Variants in ARL15 observed in about 807,000 individuals in gnomAD.
ARL15 encodes ADP-ribosylation factor-like protein 15.
ARL15 carries 19 observed loss-of-function variants against 25.2 expected under a neutral mutation model. The ratio of observed to expected loss-of-function variants is 0.75; its 90% CI spans 0.53 to 1.10. ARL15 has a LOEUF of 1.10. Ranked by LOEUF, ARL15 falls within the 50% of genes least tolerant of loss-of-function variation. The pLI is 0.00. For missense variants in ARL15, 220 were observed against 246.0 expected, an observed-to-expected ratio of 0.89 and a Z score of 0.71; for synonymous variants, 94 against 86.8, an observed-to-expected ratio of 1.08 and a Z score of -0.46.
At chr5:54,276,651 A>C (rs903756292) in intron 1 of ARL15, among the ~76,000 whole-genome samples, 6 of 152,092 alleles carry the variant, frequency 3.9e-5, no homozygotes, top group Non-Finnish European at 8.8e-5. Context: ...GTTATCTTAC[A>C]TGGCAAAAGG....
chr5:53,931,341 A>T (rs751804506), intron 4 of ARL15, among the ~76,000 whole-genome samples: 42 of 152,250 alleles, frequency 2.8e-4, no homozygotes, highest in Admixed American at 6.5e-4. Context: ...TACGTAGGAC[A>T]CAATCAGTTT....
intron 4 of ARL15, among the ~76,000 whole-genome samples, chr5:54,112,521 C>A (rs77503228): frequency 6.6e-6 from 1 of 152,244 alleles, no homozygotes; most frequent in Non-Finnish European, 1.5e-5. Flanking sequence ...ACTGTACTTA[C>A]GTTATAATTC....
intron 4 of ARL15, among the ~76,000 whole-genome samples, chr5:53,946,454 G>GGAAAAAAAAA (rs1746732847): frequency 2.0e-5 from 1 of 51,086 alleles, no homozygotes; most frequent in Non-Finnish European, 3.7e-5. Context: ...GGTCTCAAGA[G>GGAAAAAAAAA]GAAAAAAAAA....
intron 2 of ARL15, among the ~76,000 whole-genome samples, chr5:54,164,933 T>A (rs1403911115): frequency 1.3e-5 from 2 of 152,000 alleles, no homozygotes; most frequent in Non-Finnish European, 2.9e-5. Context: ...TCTATTCTTG[T>A]TCCCCTTTTC....
At chr5:54,232,146 C>T (rs1249073863) in intron 1 of ARL15, among the ~76,000 whole-genome samples, 2 of 152,132 alleles carry the variant, frequency 1.3e-5, no homozygotes, top group African/African-American at 4.8e-5. Flanking sequence ...AGTCTTAGTT[C>T]TTCCAAAAAG....
At chr5:54,025,540 G>A (rs944812951) in intron 4 of ARL15, among the ~76,000 whole-genome samples, 3 of 152,094 alleles carry the variant, frequency 2.0e-5, no homozygotes, top group Non-Finnish European at 2.9e-5. Flanking sequence ...GTGCTATAAC[G>A]AAAAGACATG....
In ARL15 at chr5:54,113,204, C is replaced by T. The variant is rs775876885; in HGVS notation, c.460G>A (p.Glu154Lys). The change falls in exon 4 of 5, where the codon GAG becomes AAG. Residue 154 changes from glutamate to lysine, a missense_variant and splice_region_variant. Physicochemically the swap from Glu to Lys is moderately conservative, Grantham distance 56. Transcript: ENST00000504924. ...QDKPAARSVQ[E>K]IKKYFELEPL... is the part of the protein sequence containing the mutation. Reference sequence around the variant, plus strand: ...GTTGTCATGCTAATGAGACATACCTCTTGTACTGAGCGAGCTGCTGGCTTG... The same window carrying T: ...GTTGTCATGCTAATGAGACATACCTTTTGTACTGAGCGAGCTGCTGGCTTG... 35 of 1,613,424 alleles carry T rather than the reference C, an allele frequency of 2.2e-5. No individual in the cohort carries two copies. Among genetic ancestry groups the T allele is most frequent in the Non-Finnish European group, 3.0e-5 (35 of 1,179,804 alleles).
intron 1 of ARL15, among the ~76,000 whole-genome samples, chr5:54,195,975 C>A (rs1204815464): frequency 2.0e-5 from 3 of 152,102 alleles, no homozygotes; most frequent in Admixed American, 1.3e-4. Context: ...CCCATCTTCT[C>A]CTGTGTGCTA....
At chr5:53,984,448 G>A (rs1183253682) in intron 4 of ARL15, among the ~76,000 whole-genome samples, 1 of 151,846 alleles carries the variant, frequency 6.6e-6, no homozygotes, top group Non-Finnish European at 1.5e-5. Context: ...ATTATGTTCT[G>A]GAGAGTTACT....
chr5:54,299,584 C>CTTTT lies in ARL15; in HGVS notation c.48+10844_48+10847dup, dbSNP rs752417066. Among the ~76,000 whole-genome samples, 431 of 79,572 alleles carry CTTTT rather than the reference C, an allele frequency of 5.4e-3. 10 individuals carry two copies. The highest frequency in any genetic ancestry group is 9.2e-3 in the African/African-American group (189 of 20,496). 52.2% of individuals were successfully genotyped at this position (79,572 alleles called of 152,430 possible). A position where few individuals can be genotyped will look rare whatever the true frequency, so the allele number is the denominator to read the frequency against. On this transcript the variant is annotated intron_variant, in intron 1 of 4. Coordinates refer to ENST00000504924, the MANE Select transcript of ARL15 (RefSeq NM_019087.3). ...TGTAACAATAAATGTTAGCTATTAGCTTTTTTTTTTTTTTTTTTTTTTTTG... is the reference window on the plus strand; with the variant it reads ...TGTAACAATAAATGTTAGCTATTAGCTTTTTTTTTTTTTTTTTTTTTTTTTTTTG...
At chr5:54,255,216 T>TC (rs1757333964) in intron 1 of ARL15, among the ~76,000 whole-genome samples, 1 of 152,092 alleles carries the variant, frequency 6.6e-6, no homozygotes, top group Non-Finnish European at 1.5e-5. Context: ...CATTTTTTTT[T>TC]TATCCTTGCA....
intron 4 of ARL15, among the ~76,000 whole-genome samples, chr5:53,969,955 T>C (rs1167719956): frequency 6.6e-6 from 1 of 152,092 alleles, no homozygotes; most frequent in East Asian, 1.9e-4. Flanking sequence ...TAAATGAAAA[T>C]GTGGTTTAAC....
rs573663967 is a variant in ARL15 at position 54,180,120 on chromosome 5, T to C, written c.49-8192A>G. 1.5e-4 allele frequency among the ~76,000 whole-genome samples: 23 copies of C among 152,126 alleles called. 1 individual carries two copies. On this transcript the variant is annotated intron_variant, in intron 1 of 4. Transcript: ENST00000504924. The stretch of plus-strand genomic sequence containing the variant: ...AATCTCTTTTGAAACAGCCTCAAAT[T>C]ATATGTATATATAAATTATACCTTA...
chr5:54,295,979 C>T (rs1758456767), intron 1 of ARL15, among the ~76,000 whole-genome samples: 1 of 152,180 alleles, frequency 6.6e-6, no homozygotes, highest in Non-Finnish European at 1.5e-5. Context: ...CAGAGTAGCA[C>T]CTCAGAAAAC....
intron 4 of ARL15, among the ~76,000 whole-genome samples, chr5:54,052,302 C>T (rs1227995493): frequency 2.0e-5 from 3 of 152,012 alleles, no homozygotes; most frequent in Admixed American, 6.6e-5. Flanking sequence ...ACTAGAAAGT[C>T]GGGGAAGCCT....
chr5:54,241,050 T>C (rs1756944371), intron 1 of ARL15, among the ~76,000 whole-genome samples: 1 of 152,162 alleles, frequency 6.6e-6, no homozygotes, highest in African/African-American at 2.4e-5. Context: ...AAACAGTCAT[T>C]TTAACAAAGT....
At chr5:54,208,423 C>T (rs116582600) in intron 1 of ARL15, among the ~76,000 whole-genome samples, 1 of 152,022 alleles carries the variant, frequency 6.6e-6, no homozygotes. Flanking sequence ...CACGCACACA[C>T]ACACATATTC....
intron 4 of ARL15, among the ~76,000 whole-genome samples, chr5:53,896,376 T>C (rs1047657335): frequency 6.6e-6 from 1 of 151,988 alleles, no homozygotes; most frequent in Admixed American, 6.6e-5. Context: ...TCTTCCAGGG[T>C]AAAAAGACTT....
At chr5:53,969,976 T>A (rs1398840578) in intron 4 of ARL15, among the ~76,000 whole-genome samples, 1 of 152,178 alleles carries the variant, frequency 6.6e-6, no homozygotes, top group Admixed American at 6.5e-5. Flanking sequence ...TCTCTTGGCA[T>A]ACTGTAAAGG....
Sources: allele counts gnomAD v4.1 joint callset (sites outside exome capture counted in the v4.1 genomes callset), GRCh38; gene constraint gnomAD v4.1.1; transcripts MANE v1.5; gene names NCBI Gene and HGNC (gene_info 2026-07-23, HGNC 2026-07-21).